Variants in RBM44 observed in about 807,000 individuals in gnomAD.
The protein encoded by RBM44 is RNA-binding protein 44.
In RBM44, 66 loss-of-function variants were observed where a neutral mutation model predicts 105.1. That is an observed-to-expected ratio of 0.63 (90% CI 0.52 to 0.77). The LOEUF (loss-of-function observed/expected upper bound fraction) is 0.77. Among genes scored for constraint, RBM44 ranks in the 30% least tolerant of loss-of-function variants. The pLI is 0.00. For missense variants in RBM44, 1,122 were observed against 1,207.8 expected, an observed-to-expected ratio of 0.93 and a Z score of 1.05; for synonymous variants, 365 against 417.6, an observed-to-expected ratio of 0.87 and a Z score of 1.54.
At chr2:237,822,398 A>T (rs1278292867) in intron 8 of RBM44, among the ~76,000 whole-genome samples, 1 of 152,110 alleles carries the variant, frequency 6.6e-6, no homozygotes, top group Non-Finnish European at 1.5e-5. Context: ...AAAATTACAA[A>T]GTGTTATGGA....
intron 8 of RBM44, among the ~76,000 whole-genome samples, chr2:237,823,155 G>A (rs577167401): frequency 4.6e-5 from 7 of 151,150 alleles, no homozygotes; most frequent in African/African-American, 9.7e-5. Context: ...AAATTATCTC[G>A]ATTACTTCTC....
In RBM44 at chr2:237,817,987, A is replaced by G; in HGVS notation, c.1068A>G (p.Glu356=). Residue 356 remains glutamate (E), a synonymous_variant, in exon 3 of 16, where the codon GAA becomes GAG. Coordinates refer to ENST00000316997, the MANE Select transcript of RBM44 (RefSeq NM_001080504.3). ...AGAACAAAATATTACTGCACCTTGA[A>G]AATCCTAGCACATTACCACAGGATA... ...IVENKILLHL[E]NPSTLPQDKA... 1 of 1,612,358 alleles carries G rather than the reference A, an allele frequency of 6.2e-7. No individual in the cohort carries two copies. Among genetic ancestry groups the G allele is most frequent in the South Asian group, 1.1e-5 (1 of 90,894 alleles).
intron 1 of RBM44, among the ~76,000 whole-genome samples, chr2:237,808,154 TA>T (rs1048867078): frequency 4.6e-5 from 7 of 152,046 alleles, no homozygotes; most frequent in African/African-American, 1.7e-4. Context: ...AATCATACAT[TA>T]AAAATGGCAT....
At chr2:237,805,902 C>T (rs1425998594) in intron 1 of RBM44, among the ~76,000 whole-genome samples, 2 of 152,102 alleles carry the variant, frequency 1.3e-5, no homozygotes, top group African/African-American at 2.4e-5. Context: ...ATCACTTGAG[C>T]CTGGGAGGTC....
At chr2:237,833,335 A>T (rs916614303) in intron 13 of RBM44, among the ~76,000 whole-genome samples, 1 of 152,122 alleles carries the variant, frequency 6.6e-6, no homozygotes, top group Non-Finnish European at 1.5e-5. Context: ...CCTTTGTTGA[A>T]CTTTTATGGG....
chr2:237,841,232 C>T lies in RBM44; in HGVS notation c.*23-607C>T, dbSNP rs1443070174. 6.6e-6 allele frequency among the ~76,000 whole-genome samples: 1 copy of T among 152,182 alleles called. No homozygotes were observed. The highest frequency in any genetic ancestry group is 1.9e-4 in the East Asian group (1 of 5,206). ...TATATATACACCATGGAGTACTATGCAGCCATAAAAAAGAATGAGATGATG... is the reference window on the plus strand; with the variant it reads ...TATATATACACCATGGAGTACTATGTAGCCATAAAAAAGAATGAGATGATG... On this transcript the variant is annotated intron_variant, in intron 15 of 15. Coordinates refer to ENST00000316997, the MANE Select transcript of RBM44 (RefSeq NM_001080504.3). The surrounding 1 kb of genome is among the most constrained non-coding windows in gnomAD (Gnocchi z 4.5).
intron 1 of RBM44, chr2:237,799,249 G>C (rs533788236): frequency 6.6e-6 from 1 of 152,406 alleles, no homozygotes; most frequent in East Asian, 1.9e-4. Context: ...GGACTCTAGC[G>C]AGAGGGGGAC....
chr2:237,823,623 GTTTA>G (rs1051645098), intron 9 of RBM44, 69 bp downstream of exon 9: 3 of 665,924 alleles, frequency 4.5e-6, no homozygotes, highest in African/African-American at 1.9e-5. Flanking sequence ...TATTGGTAGT[GTTTA>G]TTCATTAAAT....
In RBM44 at chr2:237,824,387, A is replaced by C. The variant is rs746184641; in HGVS notation, c.2417A>C (p.Glu806Ala). 3 of 1,612,896 alleles carry C rather than the reference A, an allele frequency of 1.9e-6. No homozygotes were observed. The South Asian group carries it at 3.3e-5, about 18-fold the overall frequency. ...DVSGTQGNQV[E>A]QDTWNLDLTG... ...TCAGGGACACAGGGAAATCAAGTAG[A>C]ACAAGACACATGGAATTTGGATCTT... Residue 806 changes from glutamate (E) to alanine (A), a missense_variant, in exon 10 of 16, where the codon GAA becomes GCA. Transcript: ENST00000316997.
rs1377493742 is a variant in RBM44 at position 237,817,019 on chromosome 2, A to T, written c.100A>T (p.Asn34Tyr). Reference sequence around the variant, plus strand: ...TAAACCTTCAAATCCAAAGAAAGAAAATTTGTTATTATCCTCCAATGGTTG... The same window carrying T: ...TAAACCTTCAAATCCAAAGAAAGAATATTTGTTATTATCCTCCAATGGTTG... ...KDKPSNPKKE[N>Y]LLLSSNGCDE... The change falls in exon 3 of 16, where the codon AAT (asparagine) becomes TAT (tyrosine). Residue 34 changes from asparagine (N) to tyrosine (Y), a missense_variant. Around this residue, in one of 3 missense-constraint regions of RBM44, gnomAD observed 918 missense variants for 955.3 expected, o/e 0.96. Transcript: ENST00000316997. The T allele has an allele frequency of 2.6e-6, 4 of 1,545,338 alleles. No individual in the cohort carries two copies. The highest frequency in any genetic ancestry group is 2.2e-5 in the Admixed American group (1 of 46,186).
chr2:237,829,677 C>T (rs1275553810), intron 13 of RBM44, among the ~76,000 whole-genome samples, 175 bp downstream of exon 13: 1 of 152,108 alleles, frequency 6.6e-6, no homozygotes, highest in Non-Finnish European at 1.5e-5. Flanking sequence ...CCAATTGTTC[C>T]TGGGGGGAAA....
At position 237,834,310 on chromosome 2, in the gene RBM44, G is replaced by A; in HGVS notation, c.3065G>A (p.Arg1022Lys). 1 of 1,581,046 alleles carries A rather than the reference G, an allele frequency of 6.3e-7. No homozygotes were observed. The highest frequency in any genetic ancestry group is 2.3e-5 in the East Asian group (1 of 44,250). Residue 1022 changes from arginine to lysine, a missense_variant, in exon 15 of 16, where the codon AGA (arginine) becomes AAA (lysine). Coordinates refer to ENST00000316997, the MANE Select transcript of RBM44 (RefSeq NM_001080504.3). ...ATTATAAATGCACTTCAGGAAGTGAGAATAAGACATAAAGGTTTTCTGAAT... is the reference window on the plus strand; with the variant it reads ...ATTATAAATGCACTTCAGGAAGTGAAAATAAGACATAAAGGTTTTCTGAAT... ...DHIINALQEV[R>K]IRHKGFLNGL...
rs80190923 is a variant in RBM44 at position 237,811,091 on chromosome 2, G to A, written c.-18-2501G>A. Among the ~76,000 whole-genome samples the A allele has an allele frequency of 7.1e-3, 1,077 of 152,066 alleles. 12 individuals carry two copies. The highest frequency in any genetic ancestry group is 0.025 in the African/African-American group (1,036 of 41,458). On this transcript the variant is annotated intron_variant, in intron 1 of 15. Coordinates refer to ENST00000316997, the MANE Select transcript of RBM44 (RefSeq NM_001080504.3). ...AGAAAAGGAAAAAAAATGACAAGAC[G>A]CAAGCTACCAAAGGCAAGCAGGGCA...
At chr2:237,821,694 C>A in intron 7 of RBM44, 49 bp from the exon 8 acceptor site, 1 of 1,304,452 alleles carries the variant, frequency 7.7e-7, no homozygotes, top group Non-Finnish European at 1.1e-6. Flanking sequence ...AGTCACCTTA[C>A]TCTGTTATCA....
At position 237,826,287 on chromosome 2, in the gene RBM44, G is replaced by A. The variant is rs558445631; in HGVS notation, c.2450-963G>A. ...TGTGTACTTCCTGTGTGCCAGGTATGGGATTTGCTAGTAATTTGAATCTCT... is the reference window on the plus strand; with the variant it reads ...TGTGTACTTCCTGTGTGCCAGGTATAGGATTTGCTAGTAATTTGAATCTCT... On this transcript the variant is annotated intron_variant, in intron 10 of 15. Transcript: ENST00000316997. 7.9e-5 allele frequency among the ~76,000 whole-genome samples: 12 copies of A among 152,200 alleles called. No homozygotes were observed. In the East Asian group the frequency reaches 1.7e-3, roughly 22 times the overall value.
intron 1 of RBM44, among the ~76,000 whole-genome samples, chr2:237,808,957 G>A (rs1489987629): frequency 6.6e-6 from 1 of 152,078 alleles, no homozygotes. Flanking sequence ...CATAGGAATA[G>A]TCCTAGAAAA....
intron 15 of RBM44, among the ~76,000 whole-genome samples, chr2:237,837,771 A>T (rs2061974317): frequency 6.7e-6 from 1 of 148,486 alleles, no homozygotes; most frequent in African/African-American, 2.4e-5. Flanking sequence ...AGCCTCCCAA[A>T]GTGCTGGAAT....
In RBM44 at chr2:237,821,276, A is replaced by G. The variant is rs760745902; in HGVS notation, c.2097+22A>G. On this transcript the variant is annotated intron_variant, in intron 6 of 15. Coordinates refer to ENST00000316997, the MANE Select transcript of RBM44 (RefSeq NM_001080504.3). ...CAGGGTATGTATATATGTTTTAGAA[A>G]TAAAAAATTTTACTTCATTTAGACA... 1.5e-5 allele frequency: 24 copies of G among 1,558,964 alleles called. 1 individual carries two copies. The Admixed American group carries it at 1.8e-4, about 12-fold the overall frequency.
chr2:237,830,795 T>A (rs2061895833), intron 13 of RBM44, among the ~76,000 whole-genome samples: 1 of 152,200 alleles, frequency 6.6e-6, no homozygotes, highest in Non-Finnish European at 1.5e-5. Context: ...TCTTCATTAC[T>A]GTAGCTTCAT....
Sources: allele counts gnomAD v4.1 joint callset (sites outside exome capture counted in the v4.1 genomes callset), GRCh38; gene constraint gnomAD v4.1.1; regional missense constraint gnomAD v4.1.1; non-coding constraint Gnocchi (gnomAD v3.1); transcripts MANE v1.5; gene names NCBI Gene and HGNC (gene_info 2026-07-23, HGNC 2026-07-21).